FRMPD4: variants seen among roughly 807,000 people sequenced by gnomAD.
The protein encoded by FRMPD4 is FERM and PDZ domain containing 4.
A neutral mutation model predicts 94.1 loss-of-function variants in FRMPD4; 22 were observed. The observed-to-expected ratio is 0.23, with a 90% CI of 0.17 to 0.33. FRMPD4 has a LOEUF of 0.33. Among genes scored for constraint, FRMPD4 ranks in the 10% least tolerant of loss-of-function variants. The pLI, the probability that FRMPD4 is intolerant of heterozygous loss-of-function variation, is 1.00. For synonymous variants in FRMPD4, 631 were observed against 548.6 expected, an observed-to-expected ratio of 1.15 and a Z score of -2.10; for missense variants, 1,111 against 1,339.9, an observed-to-expected ratio of 0.83 and a Z score of 2.67.
intron 1 of FRMPD4, among the ~76,000 whole-genome samples, chrX:12,266,439 C>G (rs984735060): frequency 1.8e-5 from 2 of 111,272 alleles, no homozygotes; most frequent in Non-Finnish European, 3.8e-5. Context: ...TGTAGACATG[C>G]CCTTCCTCTT....
chrX:12,301,990 T>C (rs1237659053), intron 1 of FRMPD4, among the ~76,000 whole-genome samples: 1 of 112,190 alleles, frequency 8.9e-6, no homozygotes, highest in Non-Finnish European at 1.9e-5. Flanking sequence ...CTTCTTGCTT[T>C]ATGGATAAGC....
chrX:12,117,520 ACTCT>A (rs1271032368), intron 3 of FRMPD4, among the ~76,000 whole-genome samples: 1 of 109,766 alleles, frequency 9.1e-6, no homozygotes, highest in Non-Finnish European at 1.9e-5. Context: ...TAGCTCTTTC[ACTCT>A]CTCCCCTTCA....
At chrX:12,690,418 T>A in intron 8 of FRMPD4, 92 bp downstream of exon 8, 1 of 720,957 alleles carries the variant, frequency 1.4e-6, no homozygotes, top group Non-Finnish European at 2.0e-6. Flanking sequence ...ATCCTGTAAA[T>A]GTATTAATTG....
At chrX:12,500,794 T>A (rs1001051278) in intron 2 of FRMPD4, among the ~76,000 whole-genome samples, 2 of 112,044 alleles carry the variant, frequency 1.8e-5, no homozygotes, top group Non-Finnish European at 3.8e-5. Context: ...AGGAAGACAG[T>A]ATTTTTTAAT....
At chrX:12,151,551 T>TA (rs751333348) in intron 1 of FRMPD4, among the ~76,000 whole-genome samples, 32 of 112,349 alleles carry the variant, frequency 2.8e-4, no homozygotes, top group Non-Finnish European at 4.5e-4. Flanking sequence ...TAAAAGTGGA[T>TA]ACCTTTATTG....
At position 12,721,639 on chromosome X, in the gene FRMPD4, ATTAG is replaced by A. The variant is rs1029527925; in HGVS notation, c.5074_5077del (p.Val1692LysfsTer3). 8 of 752,686 alleles carry A rather than the reference ATTAG, an allele frequency of 1.1e-5. No homozygotes were observed. The highest frequency in any genetic ancestry group is 2.3e-5 in the African/African-American group (1 of 43,139). 62.0% of individuals were successfully genotyped at this position (752,686 alleles called of 1,213,427 possible). A position where few individuals can be genotyped will look rare whatever the true frequency, so the allele number is the denominator to read the frequency against. On this transcript the variant is annotated frameshift_variant, in exon 17 of 17. Transcript: ENST00000675598. LOFTEE classifies it high-confidence loss of function. ...GTTGCCTAACAGAAGCTTGCATGCG[ATTAG>A]TTAAAGTCGTGAACTCAGAAACACA...
chrX:12,111,137 G>C (rs1338957453), intron 3 of FRMPD4, among the ~76,000 whole-genome samples: 1 of 111,722 alleles, frequency 9.0e-6, no homozygotes, highest in Non-Finnish European at 1.9e-5. Context: ...AAAGAACAAA[G>C]CTGGAGGCAT....
At chrX:11,924,368 G>A (rs1392237420) in intron 3 of FRMPD4, among the ~76,000 whole-genome samples, 3 of 112,061 alleles carry the variant, frequency 2.7e-5, no homozygotes, top group African/African-American at 9.7e-5. Flanking sequence ...TCCCAATCTA[G>A]CTAGAGAGGC....
chrX:11,953,695 G>T (rs965883539), intron 3 of FRMPD4, among the ~76,000 whole-genome samples: 2 of 111,494 alleles, frequency 1.8e-5, no homozygotes, highest in African/African-American at 6.6e-5. Flanking sequence ...AACCAGACAT[G>T]GGGAGAGCGA....
At chrX:11,850,289 T>A (rs2053613413) in intron 1 of FRMPD4, among the ~76,000 whole-genome samples, 3 of 112,070 alleles carry the variant, frequency 2.7e-5, no homozygotes, top group Admixed American at 1.9e-4. Flanking sequence ...AAACAGAAAA[T>A]AACAAGTGTT....
intron 1 of FRMPD4, among the ~76,000 whole-genome samples, chrX:12,391,970 T>C (rs2056480886): frequency 9.0e-6 from 1 of 111,700 alleles, no homozygotes. Flanking sequence ...AATAGCTACC[T>C]GTAGCTGTTG....
chrX:12,097,296 G>A (rs958472767), intron 3 of FRMPD4, among the ~76,000 whole-genome samples: 5 of 111,949 alleles, frequency 4.5e-5, no homozygotes, highest in Admixed American at 9.5e-5. Context: ...CTGCTGAATG[G>A]AAGGCCAGTG....
chrX:12,479,426 A>G (rs1415662029), intron 1 of FRMPD4, among the ~76,000 whole-genome samples: 1 of 44,909 alleles, frequency 2.2e-5, no homozygotes, highest in African/African-American at 6.3e-5. Flanking sequence ...ATATATACGT[A>G]TATATATACA....
At chrX:12,632,504 C>G (rs1473793500) in intron 4 of FRMPD4, among the ~76,000 whole-genome samples, 1 of 112,314 alleles carries the variant, frequency 8.9e-6, no homozygotes, top group African/African-American at 3.2e-5. Flanking sequence ...ATACTATTAA[C>G]AGTAGAAGAT....
intron 1 of FRMPD4, among the ~76,000 whole-genome samples, chrX:12,368,239 T>C (rs1044157638): frequency 1.8e-5 from 2 of 111,976 alleles, no homozygotes; most frequent in Non-Finnish European, 3.8e-5. Context: ...CTAAAGGAGA[T>C]GAAATATATA....
chrX:12,701,767 G>C, intron 9 of FRMPD4, 107 bp from the exon 10 acceptor site: 1 of 836,239 alleles, frequency 1.2e-6, no homozygotes. Context: ...TCCTTGCCTG[G>C]GAAGTGAAGG....
intron 1 of FRMPD4, among the ~76,000 whole-genome samples, chrX:12,482,931 G>C (rs1388063345): frequency 1.8e-5 from 2 of 111,946 alleles, no homozygotes; most frequent in Non-Finnish European, 3.8e-5. Context: ...CAAATTGACA[G>C]AAAGTTTCTT....
chrX:12,435,960 TTTCTC>T (rs1450613056), intron 1 of FRMPD4, among the ~76,000 whole-genome samples: 1 of 111,679 alleles, frequency 9.0e-6, no homozygotes, highest in Admixed American at 9.5e-5. Flanking sequence ...TATGTCTAGT[TTTCTC>T]TTAATTCTGA....
chrX:12,228,279 G>A (rs1187822350), intron 1 of FRMPD4, among the ~76,000 whole-genome samples: 3 of 112,113 alleles, frequency 2.7e-5, no homozygotes, highest in African/African-American at 6.5e-5. Context: ...TTTCCTAAAC[G>A]CACCTGAATA....
Sources: allele counts gnomAD v4.1 joint callset (sites outside exome capture counted in the v4.1 genomes callset), GRCh38; gene constraint gnomAD v4.1.1; transcripts MANE v1.5; gene names NCBI Gene and HGNC (gene_info 2026-07-23, HGNC 2026-07-21).